IGF2BP3: variants seen among roughly 807,000 people sequenced by gnomAD.
The protein encoded by IGF2BP3 is insulin-like growth factor 2 mRNA-binding protein 3.
In IGF2BP3, 9 loss-of-function variants were observed where a neutral mutation model predicts 73.8. That is an observed-to-expected ratio of 0.12 (90% CI 0.07 to 0.21). IGF2BP3 has a LOEUF of 0.21. IGF2BP3 is among the 10% of genes least tolerant of loss of function. IGF2BP3 has a pLI of 1.00. For synonymous variants in IGF2BP3, 258 were observed against 256.7 expected (o/e 1.01, Z -0.05); for missense variants, 542 against 714.0 (o/e 0.76, Z 2.75).
chr7:23,470,083 T>C lies in IGF2BP3; in HGVS notation c.28A>G (p.Ser10Gly), dbSNP rs1249596392. MNKLYIGNL[S>G]ENAAPSDLES... The stretch of plus-strand genomic sequence containing the variant: ...AGGTCCGAGGGGGCGGCGTTCTCGC[T>C]GAGGTTTCCGATATACAGTTTGTTC... The change falls in exon 1 of 15, where the codon AGC (serine) becomes GGC (glycine). Residue 10 changes from serine to glycine, a missense_variant. By Grantham distance (56) the Ser-to-Gly change is moderately conservative. Around this residue, in one of 2 missense-constraint regions of IGF2BP3, gnomAD observed 239 missense variants for 241.9 expected, o/e 0.99. Coordinates refer to ENST00000258729, the MANE Select transcript of IGF2BP3 (RefSeq NM_006547.3). The C allele has an allele frequency of 6.2e-7, 1 of 1,609,392 alleles. No individual in the cohort carries two copies. Among genetic ancestry groups the C allele is most frequent in the East Asian group, 2.2e-5 (1 of 44,706 alleles).
At chr7:23,406,641 G>C (rs1401748105) in intron 3 of IGF2BP3, among the ~76,000 whole-genome samples, 1 of 152,138 alleles carries the variant, frequency 6.6e-6, no homozygotes, top group Non-Finnish European at 1.5e-5. Flanking sequence ...AAAGAACAAA[G>C]CTTCCACAGT....
At chr7:23,376,939 A>G (rs1399357205) in intron 3 of IGF2BP3, among the ~76,000 whole-genome samples, 2 of 152,224 alleles carry the variant, frequency 1.3e-5, no homozygotes, top group Non-Finnish European at 2.9e-5. Context: ...AATTGTCACT[A>G]AAGAAATCAG....
chr7:23,316,141 G>A (rs1253650981), intron 12 of IGF2BP3, among the ~76,000 whole-genome samples: 1 of 152,190 alleles, frequency 6.6e-6, no homozygotes, highest in African/African-American at 2.4e-5. Flanking sequence ...CAAGGCTGCT[G>A]TGAAGGAATA....
At chr7:23,439,554 CAAAAA>C (rs11332929) in intron 2 of IGF2BP3, among the ~76,000 whole-genome samples, 6 of 56,724 alleles carry the variant, frequency 1.1e-4, no homozygotes, top group Admixed American at 4.2e-4. Flanking sequence ...GACTCCGTCT[CAAAAA>C]AAAAAAAAAA....
chr7:23,453,958 C>G (rs1189129772), intron 2 of IGF2BP3, among the ~76,000 whole-genome samples: 1 of 152,186 alleles, frequency 6.6e-6, no homozygotes, highest in Non-Finnish European at 1.5e-5. Context: ...CCCCAGTTAG[C>G]TGGGACTACA....
At chr7:23,457,514 C>T (rs573425827) in intron 2 of IGF2BP3, among the ~76,000 whole-genome samples, 56 of 152,138 alleles carry the variant, frequency 3.7e-4, no homozygotes, top group Non-Finnish European at 1.3e-4. Context: ...TGATGGCATA[C>T]ACGTAGGTAC....
intron 3 of IGF2BP3, among the ~76,000 whole-genome samples, chr7:23,390,048 C>T (rs1786223417): frequency 1.3e-5 from 2 of 152,066 alleles, no homozygotes; most frequent in African/African-American, 2.4e-5. Flanking sequence ...AATAACGATG[C>T]TAGTTTTTGC....
chr7:23,328,107 T>C (rs897424069), intron 10 of IGF2BP3, among the ~76,000 whole-genome samples: 2 of 152,234 alleles, frequency 1.3e-5, no homozygotes, highest in Non-Finnish European at 2.9e-5. Flanking sequence ...TCAAAAGTAG[T>C]TGGGCTGTAT....
chr7:23,317,976 G>A (rs931576551), intron 11 of IGF2BP3: 31 of 514,190 alleles, frequency 6.0e-5, no homozygotes, highest in African/African-American at 5.3e-4. Context: ...TCCTGATGAA[G>A]TAGTATTACC....
chr7:23,314,531 A>C, intron 12 of IGF2BP3, among the ~76,000 whole-genome samples: 1 of 151,574 alleles, frequency 6.6e-6, no homozygotes, highest in Admixed American at 6.6e-5. Context: ...CGCTCATCAC[A>C]AACTCCTGGG....
chr7:23,357,381 C>T (rs1041181798), intron 5 of IGF2BP3, among the ~76,000 whole-genome samples: 1 of 151,906 alleles, frequency 6.6e-6, no homozygotes, highest in Non-Finnish European at 1.5e-5. Flanking sequence ...TCAAGCAATT[C>T]TCCTGCCTCA....
At chr7:23,377,144 AAAT>A (rs1158768119) in intron 3 of IGF2BP3, among the ~76,000 whole-genome samples, 3 of 152,200 alleles carry the variant, frequency 2.0e-5, no homozygotes, top group Non-Finnish European at 4.4e-5. Context: ...AAGAACAAAA[AAAT>A]AAAACCTTTG....
intron 2 of IGF2BP3, among the ~76,000 whole-genome samples, chr7:23,422,631 G>T (rs749945367): frequency 6.6e-6 from 1 of 152,040 alleles, no homozygotes; most frequent in African/African-American, 2.4e-5. Flanking sequence ...AGGATCCCAC[G>T]GATTTTCTAC....
At chr7:23,367,446 CAA>C (rs778774496) in intron 3 of IGF2BP3, among the ~76,000 whole-genome samples, 2 of 133,548 alleles carry the variant, frequency 1.5e-5, no homozygotes, top group Non-Finnish European at 3.1e-5. Context: ...TCTTAAAGGC[CAA>C]AAAAAAAACC....
chr7:23,317,514 A>C (rs1437516498), intron 12 of IGF2BP3, 125 bp downstream of exon 12: 2 of 717,434 alleles, frequency 2.8e-6, no homozygotes, highest in African/African-American at 3.5e-5. Context: ...GATTCTACTC[A>C]GCTCTTAGAT....
At chr7:23,396,394 T>C (rs1048012547) in intron 3 of IGF2BP3, 1 of 154,936 alleles carries the variant, frequency 6.5e-6, no homozygotes, top group Non-Finnish European at 1.4e-5. Context: ...GAGAAGACTC[T>C]GACTTCTGAA....
chr7:23,396,530 A>C (rs1786471103), intron 3 of IGF2BP3: 1 of 162,688 alleles, frequency 6.1e-6, no homozygotes, highest in South Asian at 1.6e-4. Context: ...AAAAAAATAC[A>C]TGAGATAATG....
chr7:23,322,100 G>C (rs888658296), intron 10 of IGF2BP3, among the ~76,000 whole-genome samples: 1 of 152,142 alleles, frequency 6.6e-6, no homozygotes. Flanking sequence ...CTGAGAGAAG[G>C]CTTCAGACAA....
chr7:23,398,154 C>T (rs961571660), intron 3 of IGF2BP3, among the ~76,000 whole-genome samples: 1 of 150,106 alleles, frequency 6.7e-6, no homozygotes, highest in Non-Finnish European at 1.5e-5. Flanking sequence ...TGAGTGAGAA[C>T]ATGCAGTGGT....
Sources: allele counts gnomAD v4.1 joint callset (sites outside exome capture counted in the v4.1 genomes callset), GRCh38; gene constraint gnomAD v4.1.1; regional missense constraint gnomAD v4.1.1; transcripts MANE v1.5; gene names NCBI Gene and HGNC (gene_info 2026-07-23, HGNC 2026-07-21).